KCNMB2: variants seen among roughly 807,000 people sequenced by gnomAD.
KCNMB2 encodes potassium calcium-activated channel subfamily M regulatory beta subunit 2, also known as calcium-activated potassium channel subunit beta-2.
KCNMB2 carries 9 observed loss-of-function variants against 24.5 expected under a neutral mutation model. The observed-to-expected ratio is 0.37, with a 90% CI of 0.22 to 0.64. KCNMB2 has a LOEUF of 0.64. Among genes scored for constraint, KCNMB2 ranks in the 30% least tolerant of loss-of-function variants. The pLI, the probability that KCNMB2 is intolerant of heterozygous loss-of-function variation, is 0.63. For missense variants in KCNMB2, 226 were observed against 284.3 expected (o/e 0.79, Z 1.47); for synonymous variants, 109 against 104.4 (o/e 1.04, Z -0.27).
At chr3:178,710,260 T>G (rs975234170) in intron 1 of KCNMB2, among the ~76,000 whole-genome samples, 1 of 152,140 alleles carries the variant, frequency 6.6e-6, no homozygotes, top group African/African-American at 2.4e-5. Context: ...CTTCAGCTCA[T>G]TCTCAGAGCA....
At chr3:178,659,960 G>A (rs1720467744) in intron 1 of KCNMB2, among the ~76,000 whole-genome samples, 1 of 152,130 alleles carries the variant, frequency 6.6e-6, no homozygotes, top group Admixed American at 6.5e-5. Flanking sequence ...GGAAAATGGT[G>A]TTGAAGTTGG....
intron 1 of KCNMB2, among the ~76,000 whole-genome samples, chr3:178,663,732 A>T (rs1272092483): frequency 6.6e-6 from 1 of 152,178 alleles, no homozygotes; most frequent in African/African-American, 2.4e-5. Context: ...ATTTTGTATA[A>T]CACTTTACTA....
intron 1 of KCNMB2, among the ~76,000 whole-genome samples, chr3:178,551,333 C>G (rs1715946500): frequency 6.6e-6 from 1 of 152,140 alleles, no homozygotes; most frequent in African/African-American, 2.4e-5. Context: ...CATCACCATC[C>G]CCATTTAGGA....
At chr3:178,807,559 T>A in intron 2 of KCNMB2, 94 bp downstream of exon 2, 2 of 1,065,406 alleles carry the variant, frequency 1.9e-6, no homozygotes, top group Non-Finnish European at 2.9e-6. Flanking sequence ...AACTGAGCCT[T>A]ATGCTTTGCA....
In KCNMB2 at chr3:178,741,483, C is replaced by T. The variant is rs189254564; in HGVS notation, c.-67-65860C>T. Among the ~76,000 whole-genome samples, 130 of 152,282 alleles carry T rather than the reference C, an allele frequency of 8.5e-4. 1 individual carries two copies. The highest frequency in any genetic ancestry group is 3.0e-3 in the African/African-American group (124 of 41,572). ...TTACCTCCATCACATTTATCCCTAT[C>T]CCATGCTTCATTTTTTACTTCCCTC... On this transcript the variant is annotated intron_variant, in intron 1 of 4. Transcript: ENST00000452583.
intron 1 of KCNMB2, among the ~76,000 whole-genome samples, chr3:178,625,608 T>C (rs1439550220): frequency 1.3e-5 from 2 of 152,176 alleles, no homozygotes; most frequent in African/African-American, 4.8e-5. Context: ...CAGTGAATTA[T>C]TACATAGTGT....
intron 1 of KCNMB2, among the ~76,000 whole-genome samples, chr3:178,648,274 A>T (rs1719989790): frequency 6.6e-6 from 1 of 152,226 alleles, no homozygotes. Flanking sequence ...ACAATGGCTC[A>T]CGCATGTAAT....
chr3:178,623,904 T>C (rs1719009194), intron 1 of KCNMB2, among the ~76,000 whole-genome samples: 2 of 152,144 alleles, frequency 1.3e-5, no homozygotes, highest in African/African-American at 2.4e-5. Flanking sequence ...TATAATCTCA[T>C]TGGAAGAATA....
chr3:178,727,367 C>T (rs541590817), intron 1 of KCNMB2, among the ~76,000 whole-genome samples: 3 of 152,192 alleles, frequency 2.0e-5, no homozygotes, highest in South Asian at 2.1e-4. Context: ...TCTTTCTCCA[C>T]CGTGGTAGGC....
intron 1 of KCNMB2, among the ~76,000 whole-genome samples, chr3:178,566,341 A>C (rs1023924308): frequency 6.6e-6 from 1 of 152,200 alleles, no homozygotes; most frequent in East Asian, 1.9e-4. Flanking sequence ...TCTAAATATA[A>C]ATTGAATCAC....
At chr3:178,610,894 G>C (rs1718458333) in intron 1 of KCNMB2, among the ~76,000 whole-genome samples, 1 of 152,156 alleles carries the variant, frequency 6.6e-6, no homozygotes. Context: ...ATTATGTTGA[G>C]ATACGTTCCT....
chr3:178,696,758 A>C (rs77617972), intron 1 of KCNMB2, among the ~76,000 whole-genome samples: 4,855 of 152,268 alleles, frequency 0.032, 197 homozygotes, highest in East Asian at 0.17. Flanking sequence ...TTCCCTTTTA[A>C]CATCACCTTA....
chr3:178,677,552 G>A (rs983796874), intron 1 of KCNMB2, among the ~76,000 whole-genome samples: 3 of 152,106 alleles, frequency 2.0e-5, no homozygotes, highest in Non-Finnish European at 4.4e-5. Context: ...CATTTGTTTT[G>A]TCTTCCCACC....
At chr3:178,807,247 C>A in intron 1 of KCNMB2, 96 bp from the exon 2 acceptor site, 1 of 528,280 alleles carries the variant, frequency 1.9e-6, no homozygotes, top group Non-Finnish European at 3.3e-6. Context: ...GGATTGAAAA[C>A]CACTGCCCCT....
intron 2 of KCNMB2, among the ~76,000 whole-genome samples, chr3:178,821,350 G>A (rs1396831800): frequency 2.6e-5 from 4 of 152,138 alleles, no homozygotes; most frequent in South Asian, 2.1e-4. Flanking sequence ...ACAACATGGT[G>A]TAGAAGGGGC....
At chr3:178,815,248 C>T (rs1035168364) in intron 2 of KCNMB2, among the ~76,000 whole-genome samples, 1 of 152,022 alleles carries the variant, frequency 6.6e-6, no homozygotes, top group Non-Finnish European at 1.5e-5. Context: ...AAGCAATCCT[C>T]CCACCTCGGC....
In KCNMB2 at chr3:178,618,384, A is replaced by G. The variant is rs571599693; in HGVS notation, c.-68+81673A>G. The stretch of plus-strand genomic sequence containing the variant: ...ATTTTTTATTTTATCCTCATAAGCC[A>G]TCTGCCCACAGAGCCTGCGTGCTGA... On this transcript the variant is annotated intron_variant, in intron 1 of 4. Transcript: ENST00000452583. 3.9e-5 allele frequency among the ~76,000 whole-genome samples: 6 copies of G among 152,256 alleles called. No individual in the cohort carries two copies. The South Asian group carries it at 1.0e-3, about 26-fold the overall frequency.
chr3:178,691,238 C>G (rs1721664210), intron 1 of KCNMB2, among the ~76,000 whole-genome samples: 1 of 148,974 alleles, frequency 6.7e-6, no homozygotes. Context: ...GTGAGCCACA[C>G]CTGGCTTTTT....
intron 1 of KCNMB2, among the ~76,000 whole-genome samples, chr3:178,719,649 T>C (rs371318762): frequency 6.6e-6 from 1 of 152,336 alleles, no homozygotes; most frequent in East Asian, 1.9e-4. Context: ...ACATCAAAAA[T>C]ACCATTGCAA....
Sources: allele counts gnomAD v4.1 joint callset (sites outside exome capture counted in the v4.1 genomes callset), GRCh38; gene constraint gnomAD v4.1.1; transcripts MANE v1.5; gene names NCBI Gene and HGNC (gene_info 2026-07-23, HGNC 2026-07-21).